Variants in STARD7 observed in about 807,000 individuals in gnomAD.
STARD7 encodes the protein stAR-related lipid transfer protein 7, mitochondrial.
STARD7 carries 30 observed loss-of-function variants against 45.3 expected under a neutral mutation model. That is an observed-to-expected ratio of 0.66 (90% confidence interval 0.50 to 0.90). STARD7 has a LOEUF of 0.90. Among genes scored for constraint, STARD7 ranks in the 40% least tolerant of loss-of-function variants. STARD7 has a pLI of 0.00. For synonymous variants in STARD7, 199 were observed against 183.0 expected (o/e 1.09, Z -0.70); for missense variants, 495 against 491.3 (o/e 1.01, Z -0.07).
At chr2:96,195,614 C>A (rs1479763502) in intron 1 of STARD7, 65 bp from the exon 2 acceptor site, 2 of 1,299,898 alleles carry the variant, frequency 1.5e-6, no homozygotes, top group African/African-American at 1.5e-5. Flanking sequence ...AGTGTCCACA[C>A]AAAGGTCTGT....
chr2:96,192,617 C>G, intron 5 of STARD7, 149 bp from the exon 6 acceptor site: 1 of 648,374 alleles, frequency 1.5e-6, no homozygotes, highest in Non-Finnish European at 2.7e-6. Flanking sequence ...TAAATACAAA[C>G]TAAGTTCTAA....
chr2:96,199,784 G>A (rs1408595136), intron 1 of STARD7, among the ~76,000 whole-genome samples: 1 of 152,158 alleles, frequency 6.6e-6, no homozygotes, highest in Non-Finnish European at 1.5e-5. Flanking sequence ...TACACTGTTA[G>A]CTATGTTTTT....
At chr2:96,193,375 G>A (rs781682295) in intron 3 of STARD7, 23 bp from the exon 4 acceptor site, 30 of 1,505,386 alleles carry the variant, frequency 2.0e-5, no homozygotes, top group Non-Finnish European at 2.6e-5. Context: ...AAAAGACCAT[G>A]AATACCCAAG....
intron 1 of STARD7, among the ~76,000 whole-genome samples, chr2:96,199,587 GATC>G (rs1683274382): frequency 2.0e-5 from 3 of 152,216 alleles, no homozygotes; most frequent in Admixed American, 2.0e-4. Context: ...CTAAATATAA[GATC>G]ATGTCAGCTG....
At chr2:96,206,800 CAAAAAA>C (rs61417989) in intron 1 of STARD7, among the ~76,000 whole-genome samples, 2 of 49,486 alleles carry the variant, frequency 4.0e-5, no homozygotes, top group African/African-American at 8.5e-5. Flanking sequence ...GACTCCGTCT[CAAAAAA>C]AAAAAAAAAA....
chr2:96,208,003 G>A, intron 1 of STARD7, 142 bp downstream of exon 1: 1 of 693,112 alleles, frequency 1.4e-6, no homozygotes, highest in Non-Finnish European at 2.3e-6. Flanking sequence ...ATAACAACGC[G>A]GTTTGCTGAA....
chr2:96,199,408 C>T (rs568106207), intron 1 of STARD7, among the ~76,000 whole-genome samples: 10 of 152,170 alleles, frequency 6.6e-5, no homozygotes, highest in African/African-American at 2.2e-4. Flanking sequence ...TTAATTTATT[C>T]GTATGTATTT....
chr2:96,192,381 C>T lies in STARD7; in HGVS notation c.831G>A (p.Lys277=). ...YESQMVIRPH[K]SFDENGFDYL... ...AGGTAAAACTCACCTCATCAAATGA[C>T]TTGTGGGGACGGATAACCATTTGGG... is the stretch of plus-strand genomic sequence containing the variant. Residue 277 remains lysine (K), a synonymous_variant, in exon 6 of 8, where the codon AAG becomes AAA. Coordinates refer to ENST00000337288, the MANE Select transcript of STARD7 (RefSeq NM_020151.4). 6.2e-7 allele frequency: 1 copy of T among 1,613,286 alleles called. No individual in the cohort carries two copies. Among genetic ancestry groups the T allele is most frequent in the Admixed American group, 1.7e-5 (1 of 59,994 alleles).
Position 96,208,277 on chromosome 2 carries a change from G to T in STARD7, c.158C>A (p.Ser53Ter). The T allele has an allele frequency of 6.2e-7, 1 of 1,611,366 alleles. No individual in the cohort carries two copies. Among genetic ancestry groups the T allele is most frequent in the African/African-American group, 1.3e-5 (1 of 74,998 alleles). The change falls in exon 1 of 8, where the codon TCA becomes TAA. Residue 53 changes from serine to a stop codon, truncating the protein, a stop_gained. Transcript: ENST00000337288. LOFTEE classifies it high-confidence loss of function. ...QLYGRLYSES[S>*]RRVLLGRLWR... ...GAGGCGGCCGAGGAGAACGCGGCGT[G>T]AGCTCTCGGAGTAGAGGCGGCCGTA... is the stretch of plus-strand genomic sequence containing the variant.
rs1041002274 is a variant in STARD7 at position 96,185,627 on chromosome 2, T to A, written c.*1103A>T. The A allele has an allele frequency of 6.6e-6, 1 of 152,148 alleles. No individual in the cohort carries two copies. Among genetic ancestry groups the A allele is most frequent in the Non-Finnish European group, 1.5e-5 (1 of 68,042 alleles). The allele number at this position is 152,148 out of a possible 1,614,324, so 9.4% of individuals were successfully genotyped here. The stretch of plus-strand genomic sequence containing the variant: ...ACTTAATGGTAACATAAACCAAATC[T>A]CCACTGTATTAGTATTTGAGACAAG... On this transcript the variant is annotated 3_prime_UTR_variant, in exon 8 of 8. Coordinates refer to ENST00000337288, the MANE Select transcript of STARD7 (RefSeq NM_020151.4).
At chr2:96,188,933 A>C (rs533057831) in intron 6 of STARD7, among the ~76,000 whole-genome samples, 1 of 151,912 alleles carries the variant, frequency 6.6e-6, no homozygotes, top group East Asian at 2.0e-4. Flanking sequence ...AAAAAACAAA[A>C]AAAACACTTT....
intron 1 of STARD7, among the ~76,000 whole-genome samples, chr2:96,201,166 G>A (rs1321994894): frequency 6.6e-6 from 1 of 151,282 alleles, no homozygotes; most frequent in Non-Finnish European, 1.5e-5. Flanking sequence ...CTCCTAGCAT[G>A]TCCTGGTAAA....
Position 96,194,913 on chromosome 2 carries a change from T to C in STARD7, c.549+45A>G, listed in dbSNP as rs1056701414. ...AATGATTCATGTAGACAGTAGCAAT[T>C]GATATGCTAGGAGGCTCCAAATCTG... On this transcript the variant is annotated intron_variant, in intron 3 of 7. Transcript: ENST00000337288. 2.6e-6 allele frequency: 4 copies of C among 1,526,576 alleles called. No homozygotes were observed. The East Asian group carries it at 6.9e-5, about 26-fold the overall frequency. 94.6% of individuals were successfully genotyped at this position (1,526,576 alleles called of 1,614,324 possible).
chr2:96,196,801 C>T (rs1462020058), intron 1 of STARD7, among the ~76,000 whole-genome samples: 1 of 152,032 alleles, frequency 6.6e-6, no homozygotes, highest in Non-Finnish European at 1.5e-5. Flanking sequence ...GGCGCAGTGG[C>T]TCACGCCTGT....
intron 1 of STARD7, among the ~76,000 whole-genome samples, chr2:96,201,063 C>T (rs1160695567): frequency 6.6e-6 from 1 of 152,158 alleles, no homozygotes; most frequent in Non-Finnish European, 1.5e-5. Flanking sequence ...GCATATTACA[C>T]TATAATTAAT....
At chr2:96,198,836 CCATTT>C (rs762754133) in intron 1 of STARD7, among the ~76,000 whole-genome samples, 14 of 152,096 alleles carry the variant, frequency 9.2e-5, no homozygotes, top group Non-Finnish European at 1.9e-4. Flanking sequence ...GGTCTTTACC[CCATTT>C]CAAGTTAATG....
chr2:96,208,240 C>T lies in STARD7; in HGVS notation c.195G>A (p.Leu65=). Residue 65 remains leucine, a synonymous_variant, in exon 1 of 8, where the codon CTG becomes CTA. Transcript: ENST00000337288. ...CAGAGGCATGGCCAGGACGGCCGTG[C>T]AGCCGGCGCCAGAGGCGGCCGAGGA... ...RVLLGRLWRR[L]HGRPGHASAL... is the part of the protein sequence containing the mutation. 6.2e-7 allele frequency: 1 copy of T among 1,612,262 alleles called. No homozygotes were observed. The highest frequency in any genetic ancestry group is 1.1e-5 in the South Asian group (1 of 90,980).
At chr2:96,187,156 A>G (rs1683049870) in intron 7 of STARD7, 61 bp downstream of exon 7, 2 of 1,300,032 alleles carry the variant, frequency 1.5e-6, no homozygotes, top group Non-Finnish European at 1.1e-6. Flanking sequence ...CCCATTAGGA[A>G]ATAGAGAAAA....
At chr2:96,203,255 G>A (rs1683334241) in intron 1 of STARD7, among the ~76,000 whole-genome samples, 1 of 152,152 alleles carries the variant, frequency 6.6e-6, no homozygotes, top group Non-Finnish European at 1.5e-5. Context: ...TGGGATGGGT[G>A]GCTAAACCTT....
Sources: gnomAD v4.1 joint callset for allele counts (sites outside exome capture counted in the v4.1 genomes callset) on GRCh38, gnomAD v4.1.1 for gene constraint, MANE v1.5 for transcripts, NCBI Gene and HGNC (gene_info 2026-07-23, HGNC 2026-07-21) for gene names.